HTR3B: variants seen among roughly 807,000 people sequenced by gnomAD.
The protein encoded by HTR3B is 5-hydroxytryptamine (serotonin) receptor 3B, ionotropic.
Under a neutral mutation model 42.8 loss-of-function variants are expected in HTR3B, and 44 were observed. That is an observed-to-expected ratio of 1.03 (90% CI 0.81 to 1.32). HTR3B has a LOEUF of 1.32. Among genes scored for constraint, HTR3B ranks in the 40% most tolerant of loss-of-function variants. The probability of loss-of-function intolerance (pLI) is 0.00; values close to 1 mark genes in which losing one functional copy is unlikely to be tolerated. For synonymous variants in HTR3B, 203 were observed against 209.0 expected, an observed-to-expected ratio of 0.97 and a Z score of 0.25; for missense variants, 527 against 536.5, an observed-to-expected ratio of 0.98 and a Z score of 0.17.
intron 2 of HTR3B, among the ~76,000 whole-genome samples, chr11:113,912,868 T>G (rs1033174856): frequency 6.6e-6 from 1 of 151,820 alleles, no homozygotes; most frequent in Non-Finnish European, 1.5e-5. Context: ...CATTTAAGCC[T>G]TCTCTTATTT....
chr11:113,914,450 G>C (rs1949832007), intron 2 of HTR3B, among the ~76,000 whole-genome samples: 1 of 150,754 alleles, frequency 6.6e-6, no homozygotes, highest in East Asian at 2.0e-4. Flanking sequence ...GGCAACAAGA[G>C]CGATACTCCA....
intron 2 of HTR3B, among the ~76,000 whole-genome samples, chr11:113,917,388 C>T (rs1949865795): frequency 6.6e-6 from 1 of 152,110 alleles, no homozygotes; most frequent in Non-Finnish European, 1.5e-5. Context: ...CCACCTTGGC[C>T]TCCCAAAGTG....
chr11:113,938,389 A>G (rs558458589), intron 6 of HTR3B, among the ~76,000 whole-genome samples: 3 of 152,202 alleles, frequency 2.0e-5, no homozygotes, highest in Admixed American at 6.5e-5. Flanking sequence ...AAAAGTCCCA[A>G]ATCTCATTGT....
At chr11:113,924,362 T>A (rs1949946890) in intron 2 of HTR3B, among the ~76,000 whole-genome samples, 1 of 152,078 alleles carries the variant, frequency 6.6e-6, no homozygotes, top group South Asian at 2.1e-4. Flanking sequence ...ACACCTGTAA[T>A]CCTAGCACTT....
Position 113,904,828 on chromosome 11 carries a change from G to T in HTR3B, c.-106G>T. On this transcript the variant is annotated 5_prime_UTR_variant, in exon 1 of 9. Coordinates refer to ENST00000260191, the MANE Select transcript of HTR3B (RefSeq NM_006028.5). ...GTAAGGATAGCATCAACTGGCAAAC[G>T]GAGAAGGAGGAGAACAGAGTGGAGA... The T allele has an allele frequency of 2.4e-6, 2 of 846,864 alleles. No homozygotes were observed. The highest frequency in any genetic ancestry group is 2.8e-5 in the South Asian group (2 of 70,658). 52.5% of individuals were successfully genotyped at this position (846,864 alleles called of 1,614,324 possible). A position where few individuals can be genotyped will look rare whatever the true frequency, so the allele number is the denominator to read the frequency against.
At chr11:113,901,152 T>A (rs1238101095), upstream of HTR3B, among the ~76,000 whole-genome samples, 1 of 152,024 alleles carries the variant, frequency 6.6e-6, no homozygotes, top group Admixed American at 6.6e-5. Context: ...CTAAAAGAAC[T>A]GAGTATGAGC....
intron 2 of HTR3B, among the ~76,000 whole-genome samples, chr11:113,912,881 A>G (rs1377270792): frequency 6.6e-6 from 1 of 151,588 alleles, no homozygotes; most frequent in Non-Finnish European, 1.5e-5. Context: ...TCTTATTTTT[A>G]AAATTGGGTC....
At chr11:113,945,109 G>A (rs1389424973) in intron 8 of HTR3B, among the ~76,000 whole-genome samples, 2 of 151,754 alleles carry the variant, frequency 1.3e-5, no homozygotes, top group Non-Finnish European at 2.9e-5. Flanking sequence ...TCAGCTGAAA[G>A]TCTAATTTTG....
At chr11:113,921,105 G>A (rs74399990) in intron 2 of HTR3B, among the ~76,000 whole-genome samples, 13,893 of 150,994 alleles carry the variant, frequency 0.092, 772 homozygotes, top group Middle Eastern at 0.17. Flanking sequence ...AAGCCATCCC[G>A]TCCAGCCCAT....
intron 2 of HTR3B, among the ~76,000 whole-genome samples, chr11:113,915,817 C>T (rs4938056): frequency 0.51 from 77,289 of 152,024 alleles, 20,376 homozygotes; most frequent in African/African-American, 0.64. Context: ...CACATAATCA[C>T]TACTCCTTGA....
rs1950051327 is a variant in HTR3B at position 113,932,916 on chromosome 11, ATTGTTTGTG to A, written c.539-12_539-4del. The A allele has an allele frequency of 1.2e-6, 2 of 1,609,580 alleles. No individual in the cohort carries two copies. Among genetic ancestry groups the A allele is most frequent in the Non-Finnish European group, 1.7e-6 (2 of 1,177,768 alleles). On this transcript the variant is annotated splice_polypyrimidine_tract_variant and intron_variant, in intron 5 of 8. Transcript: ENST00000260191. ...CATCTCTTTCTCTCTGGGAAAGTCAATTGTTTGTGTTGTTTGCAGTGGAAGACGTAGACC... is the reference window on the plus strand; with the variant it reads ...CATCTCTTTCTCTCTGGGAAAGTCAATTGTTTGCAGTGGAAGACGTAGACC...
intron 4 of HTR3B, 124 bp from the exon 5 acceptor site, chr11:113,932,165 G>A (rs1048183455): frequency 9.1e-6 from 7 of 768,020 alleles, no homozygotes; most frequent in Non-Finnish European, 1.5e-5. Context: ...TGGAAAATGC[G>A]ATTCTGTTTT....
intron 6 of HTR3B, among the ~76,000 whole-genome samples, chr11:113,939,127 T>A (rs1950113857): frequency 6.6e-6 from 1 of 152,150 alleles, no homozygotes; most frequent in Admixed American, 6.5e-5. Flanking sequence ...AATGCGAACA[T>A]CCTTCCTAAA....
At chr11:113,931,705 G>A (rs1203139271) in intron 3 of HTR3B, 53 bp from the exon 4 acceptor site, 14 of 1,017,522 alleles carry the variant, frequency 1.4e-5, no homozygotes, top group Middle Eastern at 2.1e-4. Context: ...GTTCTTTAGC[G>A]AAGTAGATAT....
chr11:113,903,757 T>C (rs2094109866), upstream of HTR3B, among the ~76,000 whole-genome samples: 2 of 152,206 alleles, frequency 1.3e-5, no homozygotes, highest in African/African-American at 4.8e-5. Flanking sequence ...ATTTAGCAAA[T>C]GTACTGAAAA....
intron 1 of HTR3B, among the ~76,000 whole-genome samples, chr11:113,907,899 T>C (rs1666770041): frequency 6.6e-6 from 1 of 152,216 alleles, no homozygotes; most frequent in Non-Finnish European, 1.5e-5. Flanking sequence ...CTTGTGCTCC[T>C]GACTTCCCTC....
intron 2 of HTR3B, among the ~76,000 whole-genome samples, chr11:113,922,773 T>C (rs1156517821): frequency 6.6e-6 from 1 of 152,120 alleles, no homozygotes; most frequent in Non-Finnish European, 1.5e-5. Flanking sequence ...GCCGGGATGG[T>C]CTCAATCTCC....
chr11:113,935,120 C>G (rs759309495), intron 6 of HTR3B, among the ~76,000 whole-genome samples: 1 of 124,806 alleles, frequency 8.0e-6, no homozygotes, highest in Non-Finnish European at 1.9e-5. Context: ...TTTCCTTCAC[C>G]CTAAATGTTA....
intron 2 of HTR3B, among the ~76,000 whole-genome samples, chr11:113,912,043 A>G (rs1200336194): frequency 6.6e-6 from 1 of 152,274 alleles, no homozygotes; most frequent in African/African-American, 2.4e-5. Flanking sequence ...GCATTTTGAG[A>G]TTCACTTATG....
Sources: allele counts gnomAD v4.1 joint callset (sites outside exome capture counted in the v4.1 genomes callset), GRCh38; gene constraint gnomAD v4.1.1; transcripts MANE v1.5; gene names NCBI Gene and HGNC (gene_info 2026-07-23, HGNC 2026-07-21).